The following VWA3B variants were observed in gnomAD, a reference collection of about 807,000 sequenced individuals.
The protein encoded by VWA3B is von Willebrand factor A domain-containing protein 3B.
A neutral mutation model predicts 158.3 loss-of-function variants in VWA3B; 138 were observed. The ratio of observed to expected loss-of-function variants is 0.87; its 90% CI spans 0.76 to 1.00. The LOEUF (loss-of-function observed/expected upper bound fraction) is 1.00. VWA3B is among the 50% of genes least tolerant of loss of function. The pLI, the probability that VWA3B is intolerant of heterozygous loss-of-function variation, is 0.00. For synonymous variants in VWA3B, 596 were observed against 587.3 expected (o/e 1.01, Z -0.21); for missense variants, 1,555 against 1,565.1 (o/e 0.99, Z 0.11).
At chr2:98,310,990 A>T (rs1690852839) in intron 26 of VWA3B, among the ~76,000 whole-genome samples, 1 of 152,254 alleles carries the variant, frequency 6.6e-6, no homozygotes, top group Non-Finnish European at 1.5e-5. Flanking sequence ...TTTTTCCCTG[A>T]CAATTTCCAA....
intron 14 of VWA3B, among the ~76,000 whole-genome samples, chr2:98,224,237 A>G (rs1684739923): frequency 6.6e-6 from 1 of 152,190 alleles, no homozygotes; most frequent in African/African-American, 2.4e-5. Context: ...TCAGAAAGAA[A>G]TTATAAAAGA....
chr2:98,133,766 C>T (rs989376657), intron 6 of VWA3B, 58 bp from the exon 7 acceptor site: 38 of 1,469,132 alleles, frequency 2.6e-5, no homozygotes, highest in Non-Finnish European at 3.6e-5. Flanking sequence ...GGAGAAGGAA[C>T]AAGCATGCAC....
chr2:98,236,856 G>A (rs911261458), intron 19 of VWA3B, 126 bp downstream of exon 19: 12 of 1,330,902 alleles, frequency 9.0e-6, no homozygotes, highest in African/African-American at 5.9e-5. Flanking sequence ...AAAAGTATTT[G>A]TAAAGGCAGT....
At chr2:98,133,270 G>A (rs1256777110) in intron 6 of VWA3B, among the ~76,000 whole-genome samples, 1 of 152,122 alleles carries the variant, frequency 6.6e-6, no homozygotes, top group East Asian at 1.9e-4. Flanking sequence ...TGAAAAGACA[G>A]GTCCTAAAAA....
intron 22 of VWA3B, among the ~76,000 whole-genome samples, chr2:98,274,953 C>A (rs932686667): frequency 8.5e-5 from 13 of 152,334 alleles, no homozygotes; most frequent in Admixed American, 2.0e-4. Flanking sequence ...AGCACTGCTA[C>A]CCCTTCCATC....
At chr2:98,251,498 C>T (rs945369125) in intron 20 of VWA3B, among the ~76,000 whole-genome samples, 3 of 152,172 alleles carry the variant, frequency 2.0e-5, no homozygotes, top group African/African-American at 7.2e-5. Flanking sequence ...CCTCCCTCCC[C>T]GGTCCCCAGC....
chr2:98,260,075 T>A (rs1687387437), intron 21 of VWA3B, among the ~76,000 whole-genome samples: 1 of 151,734 alleles, frequency 6.6e-6, no homozygotes, highest in African/African-American at 2.4e-5. Flanking sequence ...TTTATTCCAT[T>A]GTGGGTGGGA....
In VWA3B at chr2:98,129,234, T is replaced by A. The variant is rs1404704380; in HGVS notation, c.872+826T>A. ...GAGAGAGAGAGAGAGAGTGTGTGTGTGTGTGTGTGTGTGTGTGTGTGTGTG... is the reference window on the plus strand; with the variant it reads ...GAGAGAGAGAGAGAGAGTGTGTGTGAGTGTGTGTGTGTGTGTGTGTGTGTG... On this transcript the variant is annotated intron_variant, in intron 6 of 27. Transcript: ENST00000477737. Among the ~76,000 whole-genome samples, 18 of 148,458 alleles carry A rather than the reference T, an allele frequency of 1.2e-4. No individual in the cohort carries two copies. The East Asian group carries it at 3.2e-3, about 26-fold the overall frequency.
rs539375297 is a variant in VWA3B at position 98,152,756 on chromosome 2, C to T, written c.989-10095C>T. 8.4e-4 allele frequency among the ~76,000 whole-genome samples: 128 copies of T among 152,262 alleles called. 1 individual carries two copies. The highest frequency in any genetic ancestry group is 2.5e-3 in the South Asian group (12 of 4,822). ...TCAGGATCTAGACTCAGCAGTGGAA[C>T]GAACAGTGGACTTTTCTGAGATGGT... is the stretch of plus-strand genomic sequence containing the variant. On this transcript the variant is annotated intron_variant, in intron 7 of 27. Transcript: ENST00000477737.
chr2:98,275,042 G>A (rs535994070), intron 22 of VWA3B, among the ~76,000 whole-genome samples: 3 of 152,236 alleles, frequency 2.0e-5, no homozygotes, highest in African/African-American at 4.8e-5. Context: ...CGTCTGCCAC[G>A]TGTTTGTTTA....
intron 14 of VWA3B, among the ~76,000 whole-genome samples, chr2:98,219,157 G>A (rs1416377125): frequency 6.6e-6 from 1 of 152,148 alleles, no homozygotes; most frequent in Non-Finnish European, 1.5e-5. Flanking sequence ...GAAAAAGTAG[G>A]AAAATACAGA....
intron 2 of VWA3B, among the ~76,000 whole-genome samples, chr2:98,097,953 T>A (rs139954678): frequency 6.6e-6 from 1 of 152,306 alleles, no homozygotes; most frequent in African/African-American, 2.4e-5. Context: ...ATATTTTAAT[T>A]TACCTTTTAA....
In VWA3B at chr2:98,211,979, A is replaced by T. The variant is rs770000035; in HGVS notation, c.1787A>T (p.Asp596Val). Residue 596 changes from aspartate to valine, a missense_variant, in exon 13 of 28, where the codon GAT becomes GTT. Transcript: ENST00000477737. ...TLSALKTAFA[D>V]KETQAIYLLT... is the part of the protein sequence containing the mutation. ...AGTGCCCTGAAAACTGCTTTTGCTGATAAAGAAACACAGGCAATCTACCTT... is the reference window on the plus strand; with the variant it reads ...AGTGCCCTGAAAACTGCTTTTGCTGTTAAAGAAACACAGGCAATCTACCTT... The T allele has an allele frequency of 1.2e-6, 2 of 1,614,164 alleles. No homozygotes were observed. The highest frequency in any genetic ancestry group is 1.7e-5 in the Admixed American group (1 of 60,032).
intron 22 of VWA3B, among the ~76,000 whole-genome samples, chr2:98,279,090 T>A (rs550742286): frequency 6.7e-6 from 1 of 149,090 alleles, no homozygotes; most frequent in African/African-American, 2.4e-5. Context: ...AGTGAGAGGA[T>A]GACAAAGAGA....
In VWA3B at chr2:98,313,221, A is replaced by G. The variant is rs1691009172; in HGVS notation, c.*872A>G. ...ATTAAAAGTGGCATTCACATTCCTG[A>G]AAGCTAGGAGTAGCCAGGGTTATGG... On this transcript the variant is annotated 3_prime_UTR_variant, in exon 28 of 28. Transcript: ENST00000477737. 6.6e-6 allele frequency: 1 copy of G among 152,202 alleles called. No individual in the cohort carries two copies. The highest frequency in any genetic ancestry group is 2.4e-5 in the African/African-American group (1 of 41,436). 9.4% of individuals were successfully genotyped at this position (152,202 alleles called of 1,614,324 possible). A position where few individuals can be genotyped will look rare whatever the true frequency, so the allele number is the denominator to read the frequency against.
At chr2:98,212,713 C>G (rs1683635936) in intron 13 of VWA3B, among the ~76,000 whole-genome samples, 1 of 152,228 alleles carries the variant, frequency 6.6e-6, no homozygotes, top group Admixed American at 6.5e-5. Context: ...TATCCTGTGG[C>G]AAAAAGTTCA....
chr2:98,146,343 C>T (rs1677172965), intron 7 of VWA3B, among the ~76,000 whole-genome samples: 1 of 152,184 alleles, frequency 6.6e-6, no homozygotes, highest in South Asian at 2.1e-4. Context: ...TATCTGCAGG[C>T]ATGTCCTAGG....
intron 2 of VWA3B, among the ~76,000 whole-genome samples, chr2:98,107,781 G>A (rs1357968392): frequency 6.6e-6 from 1 of 151,826 alleles, no homozygotes; most frequent in African/African-American, 2.4e-5. Flanking sequence ...TCTTACTAGT[G>A]GTTTGTCAGT....
In VWA3B at chr2:98,162,854, C is replaced by G. The variant is rs1218918617; in HGVS notation, c.992C>G (p.Ala331Gly). ...RKLKGKLPPG[A>G]GVREDVFLVW... is the part of the protein sequence containing the mutation. ...CATGCTGTGTCTCCCCTTTTAGGAG[C>G]TGGAGTCAGAGAGGACGTGTTTCTC... The change falls in exon 8 of 28, where the codon GCT (alanine) becomes GGT (glycine). Residue 331 changes from alanine to glycine, a missense_variant. By Grantham distance (60) the Ala-to-Gly change is moderately conservative. Transcript: ENST00000477737. 2 of 1,613,510 alleles carry G rather than the reference C, an allele frequency of 1.2e-6. No individual in the cohort carries two copies. The highest frequency in any genetic ancestry group is 1.8e-4 in the Middle Eastern group (1 of 5,602).
Sources: allele counts gnomAD v4.1 joint callset (sites outside exome capture counted in the v4.1 genomes callset), GRCh38; gene constraint gnomAD v4.1.1; transcripts MANE v1.5; gene names NCBI Gene and HGNC (gene_info 2026-07-23, HGNC 2026-07-21).